The following BMP6 variants were observed in gnomAD, a reference collection of about 807,000 sequenced individuals.
BMP6 encodes the protein bone morphogenetic protein 6.
Under a neutral mutation model 54.1 loss-of-function variants are expected in BMP6, and 17 were observed. That is an observed-to-expected ratio of 0.31 (90% CI 0.22 to 0.47). The LOEUF is 0.47. Among genes scored for constraint, BMP6 ranks in the 20% least tolerant of loss-of-function variants. The pLI, the probability that BMP6 is intolerant of heterozygous loss-of-function variation, is 1.00. For synonymous variants in BMP6, 328 were observed against 291.2 expected (o/e 1.13, Z -1.28); for missense variants, 720 against 690.4 (o/e 1.04, Z -0.48).
intron 1 of BMP6, among the ~76,000 whole-genome samples, chr6:7,796,850 A>G (rs1386803531): frequency 6.6e-6 from 1 of 152,232 alleles, no homozygotes; most frequent in Non-Finnish European, 1.5e-5. Flanking sequence ...AAATTAGTGA[A>G]CTAATTCTGT....
intron 1 of BMP6, among the ~76,000 whole-genome samples, chr6:7,803,362 G>A (rs1260408305): frequency 6.6e-6 from 1 of 152,156 alleles, no homozygotes; most frequent in East Asian, 1.9e-4. Flanking sequence ...GAGCATAGCT[G>A]TGATGTCATC....
intron 1 of BMP6, among the ~76,000 whole-genome samples, chr6:7,733,355 A>G (rs1761901927): frequency 6.6e-6 from 1 of 152,244 alleles, no homozygotes; most frequent in African/African-American, 2.4e-5. Context: ...AAAGTAGACA[A>G]TATTTTAATT....
In BMP6 at chr6:7,811,496, G is replaced by A. The variant is rs144592420; in HGVS notation, c.665-33644G>A. ...TTGCTATGGGGTTGAGCCCCAGTTC[G>A]GGCAAATGTATGTTCCCGGAGAAAA... On this transcript the variant is annotated intron_variant, in intron 1 of 6. Coordinates refer to ENST00000283147, the MANE Select transcript of BMP6 (RefSeq NM_001718.6). 3.2e-3 allele frequency among the ~76,000 whole-genome samples: 492 copies of A among 152,226 alleles called. 1 individual carries two copies. The highest frequency in any genetic ancestry group is 6.8e-3 in the Middle Eastern group (2 of 294).
chr6:7,844,471 G>A (rs1053183725), intron 1 of BMP6, among the ~76,000 whole-genome samples: 1 of 151,962 alleles, frequency 6.6e-6, no homozygotes, highest in African/African-American at 2.4e-5. Context: ...TTCCCAGTGT[G>A]GAGAGTCCCC....
At chr6:7,845,873 G>T (rs556291848) in intron 2 of BMP6, among the ~76,000 whole-genome samples, 1 of 152,108 alleles carries the variant, frequency 6.6e-6, no homozygotes, top group East Asian at 1.9e-4. Flanking sequence ...CTAAAACAAG[G>T]CCAGACCATT....
rs546445561 is a variant in BMP6, at chr6:7,856,806, C to T, written c.858-4645C>T. 6.6e-5 allele frequency among the ~76,000 whole-genome samples: 10 copies of T among 151,406 alleles called. No individual in the cohort carries two copies. The East Asian group carries it at 1.9e-3, about 29-fold the overall frequency. ...AGAGATGGGGTTTCACCGTTTTAGC[C>T]GGGATGGTCTCGATCTCCTGACCTC... On this transcript the variant is annotated intron_variant, in intron 2 of 6. Coordinates refer to ENST00000283147, the MANE Select transcript of BMP6 (RefSeq NM_001718.6).
At chr6:7,796,613 A>T in intron 1 of BMP6, among the ~76,000 whole-genome samples, 1 of 152,174 alleles carries the variant, frequency 6.6e-6, no homozygotes, top group Non-Finnish European at 1.5e-5. Flanking sequence ...TATGCCCTAA[A>T]CCTTACCTCT....
chr6:7,786,166 T>G (rs1327937131), intron 1 of BMP6, among the ~76,000 whole-genome samples: 1 of 152,190 alleles, frequency 6.6e-6, no homozygotes, highest in African/African-American at 2.4e-5. Flanking sequence ...TCTCTGGATT[T>G]TTTTTTCCTT....
At chr6:7,730,460 C>T (rs1163122214) in intron 1 of BMP6, among the ~76,000 whole-genome samples, 1 of 152,168 alleles carries the variant, frequency 6.6e-6, no homozygotes, top group Non-Finnish European at 1.5e-5. Flanking sequence ...GCTCCTTGTA[C>T]AAGTTATAGC....
chr6:7,790,835 T>G (rs1309702115), intron 1 of BMP6, among the ~76,000 whole-genome samples: 1 of 152,140 alleles, frequency 6.6e-6, no homozygotes, highest in Non-Finnish European at 1.5e-5. Flanking sequence ...ACACGGAGGA[T>G]TCTAACATGA....
intron 2 of BMP6, among the ~76,000 whole-genome samples, chr6:7,848,492 G>A (rs918390899): frequency 5.3e-5 from 8 of 151,936 alleles, no homozygotes; most frequent in East Asian, 3.9e-4. Context: ...TTTCATCCTC[G>A]GTCAGTCAGT....
intron 1 of BMP6, among the ~76,000 whole-genome samples, chr6:7,799,117 A>G (rs1221001790): frequency 3.9e-5 from 6 of 152,228 alleles, no homozygotes; most frequent in Admixed American, 2.6e-4. Flanking sequence ...GCGAATTCCA[A>G]GGTTTTGGAT....
intron 1 of BMP6, among the ~76,000 whole-genome samples, chr6:7,797,511 G>A (rs1758208413): frequency 6.6e-6 from 1 of 152,196 alleles, no homozygotes; most frequent in African/African-American, 2.4e-5. Context: ...TTATACCAAT[G>A]TGAAATTGTG....
At chr6:7,853,025 T>C (rs937849550) in intron 2 of BMP6, among the ~76,000 whole-genome samples, 4 of 152,196 alleles carry the variant, frequency 2.6e-5, no homozygotes, top group African/African-American at 9.7e-5. Flanking sequence ...CGTAAAGCTC[T>C]AGGCCGCTAC....
chr6:7,831,184 A>T (rs1758787900), intron 1 of BMP6, among the ~76,000 whole-genome samples: 1 of 152,214 alleles, frequency 6.6e-6, no homozygotes, highest in Non-Finnish European at 1.5e-5. Context: ...CATGATGCTA[A>T]ATGAAGCCAG....
intron 1 of BMP6, among the ~76,000 whole-genome samples, chr6:7,740,870 C>T (rs905816333): frequency 2.0e-5 from 3 of 152,154 alleles, no homozygotes; most frequent in Admixed American, 2.0e-4. Context: ...AATCGTTGGC[C>T]TTGACTTTTG....
intron 1 of BMP6, among the ~76,000 whole-genome samples, chr6:7,750,466 A>G (rs964473342): frequency 1.3e-5 from 2 of 152,222 alleles, no homozygotes; most frequent in Admixed American, 1.3e-4. Flanking sequence ...AGTTTCTGAA[A>G]TTGTGCAGTG....
chr6:7,873,244 C>A (rs1162778543), intron 4 of BMP6, among the ~76,000 whole-genome samples: 1 of 152,202 alleles, frequency 6.6e-6, no homozygotes, highest in Non-Finnish European at 1.5e-5. Flanking sequence ...GTCTTGCCTA[C>A]AAATTTGGGA....
At chr6:7,876,114 T>G (rs986659691) in intron 4 of BMP6, among the ~76,000 whole-genome samples, 1 of 152,206 alleles carries the variant, frequency 6.6e-6, no homozygotes, top group Non-Finnish European at 1.5e-5. Flanking sequence ...TGCGAAGTGT[T>G]GCCAAAAGCT....
Sources: gnomAD v4.1 joint callset for allele counts (sites outside exome capture counted in the v4.1 genomes callset) on GRCh38, gnomAD v4.1.1 for gene constraint, MANE v1.5 for transcripts, NCBI Gene and HGNC (gene_info 2026-07-23, HGNC 2026-07-21) for gene names.